ZNF878: variants seen among roughly 807,000 people sequenced by gnomAD.
ZNF878 encodes the protein zinc finger protein 878.
A neutral mutation model predicts 11.1 loss-of-function variants in ZNF878; 10 were observed. The observed-to-expected ratio is 0.90, with a 90% CI of 0.56 to 1.53. The LOEUF (loss-of-function observed/expected upper bound fraction) is 1.53. Ranked by LOEUF, ZNF878 falls within the 40% of genes most tolerant of loss-of-function variation. The probability of loss-of-function intolerance (pLI) is 0.00; values close to 1 mark genes in which losing one functional copy is unlikely to be tolerated. For missense variants in ZNF878, 548 were observed against 626.1 expected (o/e 0.88, Z 1.33); for synonymous variants, 165 against 209.7 (o/e 0.79, Z 1.84).
At position 12,046,373 on chromosome 19, in the gene ZNF878, G is replaced by C. The variant is rs1301620686; in HGVS notation, c.186C>G (p.Asn62Lys). Residue 62 changes from asparagine to lysine, a missense_variant, in exon 3 of 4, where the codon AAC becomes AAG. By Grantham distance (94) the Asn-to-Lys change is moderately conservative. This residue lies in a region of ZNF878 where 160 missense variants were observed against 173.3 expected (regional missense o/e 0.92). Coordinates refer to ENST00000547628, the MANE Select transcript of ZNF878 (RefSeq NM_001080404.3). ...CTCTTTTAAGTGCCAGTTACCTTAG[G>C]TTTCTCCTAGGATTTTGGTGCTCAT... ...IEDEHQNPRRNLRRLIGERLS... is the reference protein window; with the variant it reads ...IEDEHQNPRRKLRRLIGERLS... The C allele has an allele frequency of 6.4e-7, 1 of 1,568,842 alleles. No individual in the cohort carries two copies. Among genetic ancestry groups the C allele is most frequent in the Admixed American group, 1.9e-5 (1 of 53,232 alleles).
At chr19:12,046,467 T>TA in intron 2 of ZNF878, 39 bp from the exon 3 acceptor site, 1 of 1,555,474 alleles carries the variant, frequency 6.4e-7, no homozygotes, top group Non-Finnish European at 8.7e-7. Context: ...TGAATTAGTA[T>TA]AAAATTATTT....
At chr19:12,050,921 C>T (rs1363299976) in intron 1 of ZNF878, among the ~76,000 whole-genome samples, 1 of 151,472 alleles carries the variant, frequency 6.6e-6, no homozygotes, top group African/African-American at 2.4e-5. Flanking sequence ...GGTGAAACCC[C>T]GTCTCTACTA....
chr19:12,052,724 C>T (rs1599392604), intron 1 of ZNF878, 75 bp downstream of exon 1: 2 of 1,526,976 alleles, frequency 1.3e-6, no homozygotes, highest in Non-Finnish European at 1.8e-6. Flanking sequence ...GGCCCGGGCC[C>T]CGCCACAGCG....
Position 12,044,747 on chromosome 19 carries a change from C to T in ZNF878, c.654G>A (p.Met218Ile). 6.2e-7 allele frequency: 1 copy of T among 1,614,182 alleles called. No homozygotes were observed. Among genetic ancestry groups the T allele is most frequent in the South Asian group, 1.1e-5 (1 of 91,080 alleles). ...GAGGTCTCTCTCCAGTGTGCATTCT[C>T]ATGTGTGTCTGAAAGCTTACAAGAT... ...LSYLVSFQTH[M>I]RMHTGERPHK... Residue 218 changes from methionine to isoleucine, a missense_variant, in exon 4 of 4, where the codon ATG (methionine) becomes ATA (isoleucine). Physicochemically the swap from Met to Ile is conservative, Grantham distance 10 (BLOSUM62 1). Transcript: ENST00000547628.
intron 1 of ZNF878, among the ~76,000 whole-genome samples, chr19:12,049,632 T>G (rs1319214991): frequency 1.3e-5 from 2 of 151,298 alleles, no homozygotes; most frequent in Non-Finnish European, 2.9e-5. Flanking sequence ...TAGCCAGGTG[T>G]GGTGGCGCAT....
intron 3 of ZNF878, among the ~76,000 whole-genome samples, chr19:12,045,807 AC>A (rs1483008552): frequency 1.3e-5 from 2 of 151,442 alleles, no homozygotes; most frequent in Non-Finnish European, 2.9e-5. Flanking sequence ...GCTCACTGCA[AC>A]CTCCGCCTCC....
chr19:12,048,443 G>A (rs578185124), intron 1 of ZNF878, among the ~76,000 whole-genome samples: 4 of 151,302 alleles, frequency 2.6e-5, no homozygotes, highest in Non-Finnish European at 4.4e-5. Context: ...GCATGAACCC[G>A]GGAGGCGGAG....
chr19:12,047,611 A>G (rs1975507258), intron 1 of ZNF878, among the ~76,000 whole-genome samples: 1 of 152,096 alleles, frequency 6.6e-6, no homozygotes, highest in African/African-American at 2.4e-5. Context: ...ATAACTAACT[A>G]AAACAAAAAC....
Position 12,043,875 on chromosome 19 carries a change from C to T in ZNF878, c.1526G>A (p.Cys509Tyr). Residue 509 changes from cysteine (C) to tyrosine (Y), a missense_variant, in exon 4 of 4, where the codon TGT (cysteine) becomes TAT (tyrosine). Cys to Tyr is a radical substitution (Grantham distance 194). Transcript: ENST00000547628. ...TCTAAAGGCTTTACCACATTGCTTA[C>T]ACTCATAGGGTTTCTCTCCAGTATG... ...RIHTGEKPYE[C>Y]KQCGKAFRSA... 6 of 1,614,032 alleles carry T rather than the reference C, an allele frequency of 3.7e-6. No individual in the cohort carries two copies. Among genetic ancestry groups the T allele is most frequent in the Non-Finnish European group, 4.2e-6 (5 of 1,179,976 alleles).
intron 1 of ZNF878, among the ~76,000 whole-genome samples, chr19:12,049,214 T>G (rs1422465706): frequency 6.6e-6 from 1 of 150,506 alleles, no homozygotes; most frequent in South Asian, 2.1e-4. Context: ...CTCATGTCTG[T>G]AATTCCAGCA....
intron 1 of ZNF878, among the ~76,000 whole-genome samples, chr19:12,047,264 A>G (rs538956298): frequency 1.3e-5 from 2 of 152,264 alleles, no homozygotes; most frequent in Admixed American, 1.3e-4. Context: ...TTATTAATCT[A>G]ACTGATAAGA....
chr19:12,051,112 A>G (rs1312947323), intron 1 of ZNF878, among the ~76,000 whole-genome samples: 20 of 110,238 alleles, frequency 1.8e-4, no homozygotes, highest in Admixed American at 1.3e-3. Flanking sequence ...AAAAAAAAAA[A>G]AAAAAAGAAA....
intron 1 of ZNF878, 36 bp downstream of exon 1, chr19:12,052,763 C>T: frequency 6.5e-7 from 1 of 1,535,620 alleles, no homozygotes; most frequent in Non-Finnish European, 8.7e-7. Context: ...CCAGTCCCTC[C>T]TTTCGCCTTG....
chr19:12,051,831 C>G (rs368422608), intron 1 of ZNF878, among the ~76,000 whole-genome samples: 18 of 151,772 alleles, frequency 1.2e-4, no homozygotes, highest in Non-Finnish European at 7.4e-5. Context: ...CGCTTGAACC[C>G]GGGAGGCGGA....
At chr19:12,043,633 G>A (rs78398345), downstream of ZNF878, among the ~76,000 whole-genome samples, 14,668 of 152,106 alleles carry the variant, frequency 0.096, 1,400 homozygotes, top group African/African-American at 0.25. Context: ...TAGAGATAAC[G>A]TCTCACCATA....
At position 12,044,926 on chromosome 19, in the gene ZNF878, G is replaced by A. The variant is rs763085446; in HGVS notation, c.475C>T (p.Arg159Cys). 2.5e-6 allele frequency: 4 copies of A among 1,613,748 alleles called. No individual in the cohort carries two copies. Among genetic ancestry groups the A allele is most frequent in the African/African-American group, 1.3e-5 (1 of 74,840 alleles). ...GKAFRFPSSVRRHERIHSAKK... is the reference protein window; with the variant it reads ...GKAFRFPSSVCRHERIHSAKK... ...GCAGAGTGGATTCTTTCATGTCTACGAACAGAACTGGGAAACCTGAATGCT... is the reference window on the plus strand; with the variant it reads ...GCAGAGTGGATTCTTTCATGTCTACAAACAGAACTGGGAAACCTGAATGCT... The change falls in exon 4 of 4, where the codon CGT (arginine) becomes TGT (cysteine). Residue 159 changes from arginine to cysteine, a missense_variant. Arg to Cys is a radical substitution (Grantham distance 180, BLOSUM62 -3). This residue lies in a region of ZNF878 where 53 missense variants were observed against 94.6 expected (regional missense o/e 0.56). Coordinates refer to ENST00000547628, the MANE Select transcript of ZNF878 (RefSeq NM_001080404.3).
intron 1 of ZNF878, among the ~76,000 whole-genome samples, chr19:12,052,437 A>AC (rs937718445): frequency 4.6e-5 from 7 of 152,094 alleles, no homozygotes; most frequent in Non-Finnish European, 8.8e-5. Flanking sequence ...GGAACTGGGG[A>AC]CCCCACAGCC....
chr19:12,050,139 C>T (rs1356474328), intron 1 of ZNF878, among the ~76,000 whole-genome samples: 4 of 152,064 alleles, frequency 2.6e-5, no homozygotes, highest in African/African-American at 4.8e-5. Flanking sequence ...GCAGGAGAAT[C>T]GATTGAACCC....
rs1369286898 is a variant in ZNF878, at chr19:12,046,433, A to G, written c.131-5T>C. On this transcript the variant is annotated splice_polypyrimidine_tract_variant and splice_region_variant and intron_variant, in intron 2 of 3. Transcript: ENST00000547628. Reference sequence around the variant, plus strand: ...ACTGGTTGTTCCATTTTTTTCCTAAAATGCGGACCCAGAAAAATAGTCCTG... The same window carrying G: ...ACTGGTTGTTCCATTTTTTTCCTAAGATGCGGACCCAGAAAAATAGTCCTG... The G allele has an allele frequency of 6.4e-7, 1 of 1,573,866 alleles. No homozygotes were observed. The highest frequency in any genetic ancestry group is 1.9e-5 in the Admixed American group (1 of 52,906).
Sources: allele counts gnomAD v4.1 joint callset (sites outside exome capture counted in the v4.1 genomes callset), GRCh38; gene constraint gnomAD v4.1.1; regional missense constraint gnomAD v4.1.1; transcripts MANE v1.5; gene names NCBI Gene and HGNC (gene_info 2026-07-23, HGNC 2026-07-21).